NUDT19: variants seen among roughly 807,000 people sequenced by gnomAD.
The protein encoded by NUDT19 is nudix hydrolase 19, also known as acyl-coenzyme A diphosphatase NUDT19.
In NUDT19, 31 loss-of-function variants were observed where a neutral mutation model predicts 22.2. The observed-to-expected ratio is 1.40, with a 90% CI of 1.05 to 1.89. NUDT19 has a LOEUF of 1.89. NUDT19 is among the 40% of genes most tolerant of loss of function. The pLI is 0.00. For synonymous variants in NUDT19, 325 were observed against 230.8 expected (o/e 1.41, Z -3.70); for missense variants, 752 against 514.2 (o/e 1.46, Z -4.47).
chr19:32,692,535 G>C lies in NUDT19; in HGVS notation c.575G>C (p.Trp192Ser). 1 of 1,589,832 alleles carries C rather than the reference G, an allele frequency of 6.3e-7. No homozygotes were observed. The highest frequency in any genetic ancestry group is 8.5e-7 in the Non-Finnish European group (1 of 1,170,728). Residue 192 changes from tryptophan to serine, a missense_variant, in exon 1 of 3, where the codon TGG (tryptophan) becomes TCG (serine). Trp to Ser is a radical substitution (Grantham distance 177). Coordinates refer to ENST00000397061, the MANE Select transcript of NUDT19 (RefSeq NM_001105570.2). The part of the protein sequence containing the change: ...CAHLDCTPDI[W>S]ALHNWSAWLT... The stretch of plus-strand genomic sequence containing the variant: ...CACCTCGACTGCACACCCGACATCT[G>C]GGCGCTGCACAACTGGAGCGCCTGG...
chr19:32,692,734 C>T (rs1374433130), intron 1 of NUDT19, 60 bp downstream of exon 1: 4 of 1,316,120 alleles, frequency 3.0e-6, no homozygotes, highest in African/African-American at 1.6e-5. Flanking sequence ...GGACCCCTCC[C>T]AGCGGCCCAG....
Position 32,692,432 on chromosome 19 carries a change from C to T in NUDT19, c.472C>T (p.Leu158=). Residue 158 remains leucine, a synonymous_variant, in exon 1 of 3, where the codon CTG becomes TTG. Coordinates refer to ENST00000397061, the MANE Select transcript of NUDT19 (RefSeq NM_001105570.2). The stretch of plus-strand genomic sequence containing the variant: ...CCCAGCACCCGGGCCTGGCCTCGCC[C>T]TGGAGCCACCGCCGGGCCTGGCCTC... The part of the protein sequence containing the change: ...PGPAPGPGLA[L]EPPPGLASWR... 6.4e-7 allele frequency: 1 copy of T among 1,551,414 alleles called. No homozygotes were observed. Among genetic ancestry groups the T allele is most frequent in the Non-Finnish European group, 8.7e-7 (1 of 1,155,160 alleles).
In NUDT19 at chr19:32,703,648, C is replaced by CTTTTT. The variant is rs60766132; in HGVS notation, c.715-5509_715-5505dup. 3.7e-4 allele frequency among the ~76,000 whole-genome samples: 25 copies of CTTTTT among 68,398 alleles called. 1 individual carries two copies. The highest frequency in any genetic ancestry group is 7.7e-4 in the African/African-American group (14 of 18,156). 44.9% of individuals were successfully genotyped at this position (68,398 alleles called of 152,430 possible). On this transcript the variant is annotated intron_variant, in intron 1 of 2. Coordinates refer to ENST00000397061, the MANE Select transcript of NUDT19 (RefSeq NM_001105570.2). Reference sequence around the variant, plus strand: ...ACAGGTGTGGGCCACTGTGCCCAGCCTTTTTTTTTTTTTTTTTTTTTTTTT... The same window carrying CTTTTT: ...ACAGGTGTGGGCCACTGTGCCCAGCCTTTTTTTTTTTTTTTTTTTTTTTTTTTTTT...
At chr19:32,703,218 G>A (rs1277019369) in intron 1 of NUDT19, among the ~76,000 whole-genome samples, 1 of 151,834 alleles carries the variant, frequency 6.6e-6, no homozygotes, top group Non-Finnish European at 1.5e-5. Flanking sequence ...TCAGGCTGCT[G>A]TCGAACTCCC....
intron 1 of NUDT19, among the ~76,000 whole-genome samples, chr19:32,703,051 G>C (rs1968351895): frequency 1.3e-5 from 2 of 151,918 alleles, no homozygotes. Flanking sequence ...GCCCAGGTTA[G>C]AGTGCAGTGG....
intron 2 of NUDT19, among the ~76,000 whole-genome samples, chr19:32,711,446 G>C (rs931752370): frequency 1.3e-5 from 2 of 152,136 alleles, no homozygotes; most frequent in African/African-American, 2.4e-5. Context: ...CTGGGCAACA[G>C]AGTGAGACTC....
rs187167820 is a variant in NUDT19 at position 32,695,534 on chromosome 19, C to T, written c.714+2860C>T. Among the ~76,000 whole-genome samples the T allele has an allele frequency of 6.7e-3, 1,022 of 152,326 alleles. 9 individuals carry two copies. The highest frequency in any genetic ancestry group is 0.02 in the African/African-American group (839 of 41,574). On this transcript the variant is annotated intron_variant, in intron 1 of 2. Transcript: ENST00000397061. ...TGTTTTTTCTTTACTACTTCTATCTCTTTCTCTCTGACTCCTTTGTCTCTT... is the reference window on the plus strand; with the variant it reads ...TGTTTTTTCTTTACTACTTCTATCTTTTTCTCTCTGACTCCTTTGTCTCTT...
At chr19:32,704,138 T>C (rs982110765) in intron 1 of NUDT19, among the ~76,000 whole-genome samples, 1 of 152,232 alleles carries the variant, frequency 6.6e-6, no homozygotes, top group Non-Finnish European at 1.5e-5. Flanking sequence ...TTTTGAAAGA[T>C]ACTTTGGCTA....
Position 32,692,100 on chromosome 19 carries a change from T to C in NUDT19, c.140T>C (p.Leu47Pro). ...PPAEGFRLLLLQRSPHQGFMP... is the reference protein window; with the variant it reads ...PPAEGFRLLLPQRSPHQGFMP... ...GCCGAGGGCTTCCGGCTGCTGCTGC[T>C]GCAGCGCTCCCCGCACCAAGGCTTC... The change falls in exon 1 of 3, where the codon CTG becomes CCG. Residue 47 changes from leucine (L) to proline (P), a missense_variant. Leu to Pro is a moderately conservative substitution (Grantham distance 98). Coordinates refer to ENST00000397061, the MANE Select transcript of NUDT19 (RefSeq NM_001105570.2). The C allele has an allele frequency of 7.2e-7, 1 of 1,397,296 alleles. No homozygotes were observed. The highest frequency in any genetic ancestry group is 9.2e-7 in the Non-Finnish European group (1 of 1,081,518). 86.6% of individuals were successfully genotyped at this position (1,397,296 alleles called of 1,614,324 possible).
At chr19:32,697,620 G>A (rs1968280012) in intron 1 of NUDT19, among the ~76,000 whole-genome samples, 1 of 152,162 alleles carries the variant, frequency 6.6e-6, no homozygotes, top group South Asian at 2.1e-4. Context: ...ACGGCTTGCT[G>A]ACTAGTAAGG....
At chr19:32,693,176 C>T (rs141098103) in intron 1 of NUDT19, among the ~76,000 whole-genome samples, 1,676 of 152,254 alleles carry the variant, frequency 0.011, 39 homozygotes, top group African/African-American at 0.038. Context: ...CGCGGACCCT[C>T]GAAGTGAGTG....
At chr19:32,700,854 C>T (rs1968327420) in intron 1 of NUDT19, among the ~76,000 whole-genome samples, 2 of 152,076 alleles carry the variant, frequency 1.3e-5, no homozygotes, top group African/African-American at 4.8e-5. Context: ...TGGACTGTAA[C>T]ATACTAAGAC....
rs531387969 is a variant in NUDT19, at chr19:32,700,620, G to A, written c.714+7946G>A. On this transcript the variant is annotated intron_variant, in intron 1 of 2. Transcript: ENST00000397061. ...AATTGTTTTATTTTTTGTAGAGACC[G>A]GATCTCACTATGTTGCTCAGGGAGG... Among the ~76,000 whole-genome samples, 134 of 152,096 alleles carry A rather than the reference G, an allele frequency of 8.8e-4. 2 individuals are homozygous for A. The highest frequency in any genetic ancestry group is 4.6e-4 in the Admixed American group (7 of 15,268).
Position 32,692,176 on chromosome 19 carries a change from C to T in NUDT19, c.216C>T (p.Arg72=). ...GCGGAGTGCTGGATGCGGCCGACCG[C>T]TCGGCGGACTGGCTGGGCCTCTTCG... is the stretch of plus-strand genomic sequence containing the variant. ...FSGGVLDAAD[R]SADWLGLFAP... is the part of the protein sequence containing the mutation. Residue 72 remains arginine, a synonymous_variant, in exon 1 of 3, where the codon CGC becomes CGT. Transcript: ENST00000397061. 3 of 1,546,724 alleles carry T rather than the reference C, an allele frequency of 1.9e-6. No homozygotes were observed. Among genetic ancestry groups the T allele is most frequent in the Non-Finnish European group, 2.6e-6 (3 of 1,157,158 alleles).
intron 1 of NUDT19, among the ~76,000 whole-genome samples, chr19:32,705,106 C>CAAAA (rs34871387): frequency 1.8e-5 from 1 of 54,188 alleles, no homozygotes; most frequent in Non-Finnish European, 3.5e-5. Context: ...GACTTCATCT[C>CAAAA]AAAAAAAAAA....
At position 32,712,138 on chromosome 19, in the gene NUDT19, G is replaced by C. The variant is rs1968454059; in HGVS notation, c.*181G>C. 1 of 540,454 alleles carries C rather than the reference G, an allele frequency of 1.9e-6. No individual in the cohort carries two copies. Among genetic ancestry groups the C allele is most frequent in the African/African-American group, 1.9e-5 (1 of 51,796 alleles). 33.5% of individuals were successfully genotyped at this position (540,454 alleles called of 1,614,324 possible). Reference sequence around the variant, plus strand: ...CGCCCAGGCTGGAGTGCAGTGGCATGATATAGGCTCACTGGAAGCTCTGCC... The same window carrying C: ...CGCCCAGGCTGGAGTGCAGTGGCATCATATAGGCTCACTGGAAGCTCTGCC... On this transcript the variant is annotated 3_prime_UTR_variant, in exon 3 of 3. Transcript: ENST00000397061.
intron 1 of NUDT19, among the ~76,000 whole-genome samples, chr19:32,699,930 G>T (rs1295820540): frequency 6.6e-6 from 1 of 152,134 alleles, no homozygotes. Context: ...CCTTTGCAGT[G>T]AGTGTTACAG....
At chr19:32,702,910 T>C (rs1968350521) in intron 1 of NUDT19, among the ~76,000 whole-genome samples, 1 of 152,250 alleles carries the variant, frequency 6.6e-6, no homozygotes, top group African/African-American at 2.4e-5. Context: ...AATATACTTA[T>C]TTGTTCCCTC....
At chr19:32,706,462 T>C (rs1016218003) in intron 1 of NUDT19, among the ~76,000 whole-genome samples, 1 of 152,172 alleles carries the variant, frequency 6.6e-6, no homozygotes, top group East Asian at 1.9e-4. Context: ...GGCGGGCAGA[T>C]TACCTGAGGT....
Sources: gnomAD v4.1 joint callset for allele counts (sites outside exome capture counted in the v4.1 genomes callset) on GRCh38, gnomAD v4.1.1 for gene constraint, MANE v1.5 for transcripts, NCBI Gene and HGNC (gene_info 2026-07-23, HGNC 2026-07-21) for gene names.